Variants in ABI1 observed in about 807,000 individuals in gnomAD.
The protein encoded by ABI1 is Abelson interactor 1.
Under a neutral mutation model 54.6 loss-of-function variants are expected in ABI1, and 14 were observed. The ratio of observed to expected loss-of-function variants is 0.26; its 90% CI spans 0.17 to 0.40. ABI1 has a LOEUF of 0.40. Among genes scored for constraint, ABI1 ranks in the 10% least tolerant of loss-of-function variants. The probability of loss-of-function intolerance (pLI) is 1.00; values close to 1 mark genes in which losing one functional copy is unlikely to be tolerated. For synonymous variants in ABI1, 194 were observed against 209.3 expected (o/e 0.93, Z 0.63); for missense variants, 443 against 598.3 (o/e 0.74, Z 2.71).
chr10:26,833,450 C>T (rs776547076), intron 1 of ABI1, among the ~76,000 whole-genome samples: 3 of 152,172 alleles, frequency 2.0e-5, no homozygotes, highest in Non-Finnish European at 2.9e-5. Context: ...CCATCCTACA[C>T]CATACTACAA....
intron 2 of ABI1, among the ~76,000 whole-genome samples, chr10:26,811,356 C>T (rs555884774): frequency 6.3e-4 from 96 of 152,186 alleles, no homozygotes; most frequent in African/African-American, 2.3e-3. Flanking sequence ...TAGTGTATCT[C>T]TACTATAGCT....
chr10:26,759,028 A>G (rs1838742302), intron 8 of ABI1, 34 bp downstream of exon 8: 1 of 1,585,342 alleles, frequency 6.3e-7, no homozygotes, highest in Non-Finnish European at 8.6e-7. Context: ...AAGGAGCTCC[A>G]CTGTTGCTGT....
intron 1 of ABI1, among the ~76,000 whole-genome samples, chr10:26,859,901 A>G (rs190844898): frequency 2.4e-3 from 363 of 152,300 alleles, no homozygotes; most frequent in African/African-American, 8.5e-3. Flanking sequence ...CCAAGGAGTT[A>G]AGAACAATTC....
chr10:26,794,918 C>T lies in ABI1; in HGVS notation c.286-17677G>A, dbSNP rs139098869. Among the ~76,000 whole-genome samples the T allele has an allele frequency of 3.4e-3, 512 of 151,820 alleles. 10 individuals carry two copies. The highest frequency in any genetic ancestry group is 0.034 in the East Asian group (173 of 5,140). On this transcript the variant is annotated intron_variant, in intron 2 of 10. Coordinates refer to ENST00000376140, the MANE Select transcript of ABI1 (RefSeq NM_001012750.3). ...CAGCACTTTGGGAGGCTGAGTTGGG[C>T]GGATTGCTTGAGGCCAGGAGTTTGA...
At chr10:26,821,106 G>A (rs547049087) in intron 2 of ABI1, among the ~76,000 whole-genome samples, 424 of 151,444 alleles carry the variant, frequency 2.8e-3, no homozygotes, top group African/African-American at 9.2e-3. Context: ...TTCACTGGGC[G>A]TGGTGAGGTG....
intron 9 of ABI1, among the ~76,000 whole-genome samples, chr10:26,753,513 T>C (rs1003572137): frequency 1.4e-4 from 21 of 152,236 alleles, no homozygotes; most frequent in African/African-American, 4.3e-4. Flanking sequence ...CTTCAAATTA[T>C]GGCGAAGGAA....
At chr10:26,776,582 GT>G in intron 3 of ABI1, 1 of 148,474 alleles carries the variant, frequency 6.7e-6, no homozygotes. Context: ...TCTGTTGGGG[GT>G]TTTTTTGTGG....
intron 8 of ABI1, 71 bp downstream of exon 8, chr10:26,758,991 A>G: frequency 7.0e-7 from 1 of 1,419,742 alleles, no homozygotes; most frequent in Non-Finnish European, 9.6e-7. Context: ...ACTGGCAAGA[A>G]TAACAGTTTC....
At chr10:26,822,969 T>C (rs554977316) in intron 2 of ABI1, among the ~76,000 whole-genome samples, 169 bp downstream of exon 2, 1 of 152,190 alleles carries the variant, frequency 6.6e-6, no homozygotes, top group Admixed American at 6.5e-5. Context: ...TACCTTATCA[T>C]GATAAAAAAA....
At chr10:26,839,656 A>AC (rs2049340229) in intron 1 of ABI1, 2 of 629,056 alleles carry the variant, frequency 3.2e-6, no homozygotes, top group African/African-American at 4.2e-5. Context: ...CTGTTTAAAA[A>AC]AAAAAAAAAA....
intron 10 of ABI1, among the ~76,000 whole-genome samples, chr10:26,750,094 C>T (rs563692591): frequency 1.3e-5 from 2 of 152,298 alleles, no homozygotes; most frequent in South Asian, 2.1e-4. Context: ...AATTCAAGGT[C>T]ACTCAAGTTT....
At chr10:26,816,065 T>C (rs1310515164) in intron 2 of ABI1, among the ~76,000 whole-genome samples, 1 of 152,222 alleles carries the variant, frequency 6.6e-6, no homozygotes, top group Admixed American at 6.5e-5. Flanking sequence ...AGTTTATTGG[T>C]GAATGGTCTC....
intron 2 of ABI1, among the ~76,000 whole-genome samples, chr10:26,818,039 G>T (rs758046851): frequency 6.0e-5 from 9 of 150,840 alleles, no homozygotes; most frequent in Non-Finnish European, 1.2e-4. Flanking sequence ...CATGCCCGAA[G>T]TCCCAGCTAC....
intron 2 of ABI1, among the ~76,000 whole-genome samples, chr10:26,780,864 T>C (rs527450927): frequency 1.3e-5 from 2 of 152,220 alleles, no homozygotes; most frequent in African/African-American, 4.8e-5. Flanking sequence ...GGGTTCAAAG[T>C]AGGGAAGGGA....
intron 2 of ABI1, among the ~76,000 whole-genome samples, chr10:26,798,401 A>C (rs1844464516): frequency 6.6e-6 from 1 of 152,098 alleles, no homozygotes; most frequent in South Asian, 2.1e-4. Context: ...CATACGAAAA[A>C]GACTCAACTG....
At chr10:26,795,143 A>T (rs77254214) in intron 2 of ABI1, among the ~76,000 whole-genome samples, 1 of 143,144 alleles carries the variant, frequency 7.0e-6, no homozygotes, top group Non-Finnish European at 1.5e-5. Flanking sequence ...GACTGTCTCA[A>T]AAAAAAAAAA....
At chr10:26,815,589 A>C (rs1031755393) in intron 2 of ABI1, among the ~76,000 whole-genome samples, 1 of 152,190 alleles carries the variant, frequency 6.6e-6, no homozygotes, top group Non-Finnish European at 1.5e-5. Context: ...TTTAGTTAAC[A>C]CCAGTCCTCC....
intron 2 of ABI1, among the ~76,000 whole-genome samples, chr10:26,797,778 G>A (rs1259337838): frequency 2.6e-5 from 4 of 152,140 alleles, no homozygotes; most frequent in African/African-American, 9.7e-5. Context: ...TGAAGAAACT[G>A]AGTTTTAATC....
rs551394705 is a variant in ABI1 at position 26,812,451 on chromosome 10, T to C, written c.285+10687A>G. Reference sequence around the variant, plus strand: ...TGCTTTTCTGATTTTGAATGACAAATGACACTTATCAATCTACATTATATC... The same window carrying C: ...TGCTTTTCTGATTTTGAATGACAAACGACACTTATCAATCTACATTATATC... On this transcript the variant is annotated intron_variant, in intron 2 of 10. Transcript: ENST00000376140. Among the ~76,000 whole-genome samples the C allele has an allele frequency of 2.0e-5, 3 of 152,362 alleles. No individual in the cohort carries two copies. The East Asian group carries it at 5.8e-4, about 29-fold the overall frequency.
Sources: gnomAD v4.1 joint callset for allele counts (sites outside exome capture counted in the v4.1 genomes callset) on GRCh38, gnomAD v4.1.1 for gene constraint, MANE v1.5 for transcripts, NCBI Gene and HGNC (gene_info 2026-07-23, HGNC 2026-07-21) for gene names.